The following PKHD1 variants were observed in gnomAD, a reference collection of about 807,000 sequenced individuals.
PKHD1 encodes PKHD1 ciliary IPT domain containing fibrocystin/polyductin.
In PKHD1, 291 loss-of-function variants were observed where a neutral mutation model predicts 412.0. The ratio of observed to expected loss-of-function variants is 0.71; its 90% CI spans 0.64 to 0.78. PKHD1 has a LOEUF of 0.78. PKHD1 is among the 30% of genes least tolerant of loss of function. PKHD1 has a pLI of 0.00. For synonymous variants in PKHD1, 1,777 were observed against 1,821.5 expected (o/e 0.98, Z 0.62); for missense variants, 4,825 against 4,950.7 (o/e 0.97, Z 0.76).
At chr6:51,721,305 A>T in intron 60 of PKHD1, 1 of 847,302 alleles carries the variant, frequency 1.2e-6, no homozygotes, top group South Asian at 5.5e-5. Flanking sequence ...TACCAATATT[A>T]TTAACAATAA....
intron 34 of PKHD1, among the ~76,000 whole-genome samples, chr6:52,014,163 C>T (rs1353913636): frequency 6.6e-6 from 1 of 152,166 alleles, no homozygotes; most frequent in East Asian, 1.9e-4. Context: ...CTACTCCCAC[C>T]CTCCTAGCCT....
chr6:51,820,767 C>A lies in PKHD1; in HGVS notation c.8302+10094G>T, dbSNP rs1321423721. On this transcript the variant is annotated intron_variant, in intron 52 of 66. Transcript: ENST00000371117. ...GCCCCTGCTGGCCTGCCTGTACCTA[C>A]AAAGACCTTGTCACTTCAGCAAAGT... 1.3e-5 allele frequency among the ~76,000 whole-genome samples: 2 copies of A among 152,128 alleles called. 1 individual carries two copies. Among genetic ancestry groups the A allele is most frequent in the Non-Finnish European group, 2.9e-5 (2 of 68,018 alleles).
At chr6:51,697,163 G>C (rs776528672) in intron 60 of PKHD1, among the ~76,000 whole-genome samples, 41 of 146,452 alleles carry the variant, frequency 2.8e-4, no homozygotes, top group Non-Finnish European at 4.8e-4. Flanking sequence ...CTGGGCAACA[G>C]AGTGAGACTC....
rs747310114 is a variant in PKHD1 at position 51,632,767 on chromosome 6, A to G, written c.11507-44T>C. The G allele has an allele frequency of 2.0e-6, 3 of 1,488,488 alleles. No homozygotes were observed. In the Admixed American group the frequency reaches 5.1e-5, roughly 25 times the overall value. The allele number at this position is 1,488,488 out of a possible 1,614,324, so 92.2% of individuals were successfully genotyped here. On this transcript the variant is annotated intron_variant, in intron 64 of 66. Coordinates refer to ENST00000371117, the MANE Select transcript of PKHD1 (RefSeq NM_138694.4). Reference sequence around the variant, plus strand: ...GATGTTTCAATGATATGTTAATAAGATGCTAATATAATTAAAATATGGTAA... The same window carrying G: ...GATGTTTCAATGATATGTTAATAAGGTGCTAATATAATTAAAATATGGTAA...
At chr6:51,843,385 C>T (rs1464859431) in intron 50 of PKHD1, among the ~76,000 whole-genome samples, 3 of 152,180 alleles carry the variant, frequency 2.0e-5, no homozygotes, top group Non-Finnish European at 4.4e-5. Flanking sequence ...CTGAAGAATC[C>T]TACAAAGCTT....
At chr6:52,032,780 G>A (rs1184068987) in intron 29 of PKHD1, among the ~76,000 whole-genome samples, 2 of 152,078 alleles carry the variant, frequency 1.3e-5, no homozygotes, top group African/African-American at 4.8e-5. Flanking sequence ...ATTTTGAATT[G>A]TAACTTTTGA....
At chr6:51,997,701 T>G (rs1797865043) in intron 35 of PKHD1, among the ~76,000 whole-genome samples, 1 of 152,200 alleles carries the variant, frequency 6.6e-6, no homozygotes, top group Admixed American at 6.5e-5. Flanking sequence ...AATTTCTCAG[T>G]ACTAGAAAAT....
At chr6:51,943,431 G>A (rs1014104896) in intron 36 of PKHD1, among the ~76,000 whole-genome samples, 4 of 149,388 alleles carry the variant, frequency 2.7e-5, no homozygotes, top group African/African-American at 9.8e-5. Flanking sequence ...ACTATCTTCT[G>A]TCTAGTCATA....
intron 60 of PKHD1, among the ~76,000 whole-genome samples, chr6:51,662,887 A>G (rs1223695817): frequency 1.3e-5 from 2 of 152,056 alleles, no homozygotes. Context: ...TCTCTTAATG[A>G]AATTGGATTC....
intron 8 of PKHD1, 62 bp from the exon 9 acceptor site, chr6:52,071,132 C>T (rs1260241620): frequency 3.5e-6 from 4 of 1,140,448 alleles, no homozygotes; most frequent in Non-Finnish European, 5.3e-6. Context: ...AGATCTGACT[C>T]TTTAACCAGG....
intron 61 of PKHD1, among the ~76,000 whole-genome samples, chr6:51,653,711 G>C (rs1182300589): frequency 6.6e-6 from 1 of 152,008 alleles, no homozygotes; most frequent in Non-Finnish European, 1.5e-5. Context: ...AACAATTCAG[G>C]GGACAACTAC....
rs1057517220 is a variant in PKHD1 at position 52,084,926 on chromosome 6, GCAGT to G, written c.4_7del (p.Thr2ProfsTer3). ...AATACTCATCAGAGAGATCAGCCAGGCAGTCATTCTGTCCACTTAAATCAATACT... is the reference window on the plus strand; with the variant it reads ...AATACTCATCAGAGAGATCAGCCAGGCATTCTGTCCACTTAAATCAATACT... On this transcript the variant is annotated frameshift_variant, in exon 2 of 67. Transcript: ENST00000371117. LOFTEE classifies it high-confidence loss of function. 4 of 1,603,942 alleles carry G rather than the reference GCAGT, an allele frequency of 2.5e-6. No homozygotes were observed. The highest frequency in any genetic ancestry group is 3.4e-6 in the Non-Finnish European group (4 of 1,170,870).
intron 52 of PKHD1, among the ~76,000 whole-genome samples, chr6:51,824,708 T>A (rs1767031265): frequency 1.3e-5 from 2 of 152,242 alleles, no homozygotes. Flanking sequence ...TCTCCCTGGA[T>A]CTTTAATGTC....
Position 51,905,978 on chromosome 6 carries a change from A to G in PKHD1, c.6808+237T>C, listed in dbSNP as rs542943740. ...CTGGTAGTAAACTTTAAAACTTCCC[A>G]TTATACACTTATTAACCTGAACTAA... On this transcript the variant is annotated intron_variant, in intron 41 of 66. Transcript: ENST00000371117. Among the ~76,000 whole-genome samples the G allele has an allele frequency of 4.6e-5, 7 of 152,314 alleles. No individual in the cohort carries two copies. The East Asian group carries it at 7.7e-4, about 17-fold the overall frequency.
At chr6:51,800,652 T>C (rs1334163277) in intron 52 of PKHD1, among the ~76,000 whole-genome samples, 2 of 152,198 alleles carry the variant, frequency 1.3e-5, no homozygotes, top group Non-Finnish European at 2.9e-5. Context: ...CTAAATCCTG[T>C]AGAAATGAGA....
chr6:52,022,778 ATG>A (rs1801586915), intron 33 of PKHD1, 21 bp downstream of exon 33: 1 of 1,611,184 alleles, frequency 6.2e-7, no homozygotes, highest in Non-Finnish European at 8.5e-7. Context: ...TTTAAAATAT[ATG>A]TGTGTGGCAT....
chr6:51,752,818 T>C (rs1786317635), intron 57 of PKHD1, among the ~76,000 whole-genome samples: 1 of 152,190 alleles, frequency 6.6e-6, no homozygotes, highest in South Asian at 2.1e-4. Context: ...ATTTACGCTA[T>C]TAATTTATAG....
At chr6:51,679,477 C>G (rs1408675523) in intron 60 of PKHD1, among the ~76,000 whole-genome samples, 1 of 151,834 alleles carries the variant, frequency 6.6e-6, no homozygotes, top group African/African-American at 2.4e-5. Context: ...GGAATGTTCC[C>G]AGCTCCTGAG....
chr6:51,807,901 C>CTG (rs1407892274), intron 52 of PKHD1, among the ~76,000 whole-genome samples: 3 of 151,866 alleles, frequency 2.0e-5, no homozygotes, highest in Non-Finnish European at 4.4e-5. Context: ...TAATGGTTGC[C>CTG]TGTGGCTGGG....
Sources: gnomAD v4.1 joint callset for allele counts (sites outside exome capture counted in the v4.1 genomes callset) on GRCh38, gnomAD v4.1.1 for gene constraint, MANE v1.5 for transcripts, NCBI Gene and HGNC (gene_info 2026-07-23, HGNC 2026-07-21) for gene names.